The following CFAP95 variants were observed in gnomAD, a reference collection of about 807,000 sequenced individuals.
CFAP95 encodes the protein cilia and flagella associated protein 95, also known as cilia- and flagella-associated protein 95.
chr9:69,902,546 T>G, the CFAP95 span, among the ~76,000 whole-genome samples: 1 of 152,320 alleles, frequency 6.6e-6, no homozygotes, highest in South Asian at 2.1e-4. Context: ...AATTTTCCAG[T>G]TATTACCCGC....
chr9:69,891,411 C>T, the CFAP95 span, among the ~76,000 whole-genome samples: 1 of 152,120 alleles, frequency 6.6e-6, no homozygotes, highest in Non-Finnish European at 1.5e-5. Flanking sequence ...CCTTCATGGG[C>T]CCCTTCCTCC....
chr9:69,858,154 C>A, the CFAP95 span: 14 of 566,480 alleles, frequency 2.5e-5, no homozygotes, highest in Middle Eastern at 2.9e-4. Context: ...CATTAATAAC[C>A]GTAATAATAA....
At chr9:69,899,395 A>G in the CFAP95 span, among the ~76,000 whole-genome samples, 41 of 152,354 alleles carry the variant, frequency 2.7e-4, no homozygotes, top group African/African-American at 8.9e-4. Flanking sequence ...GTGGGAAAAC[A>G]TAAGTTCTTC....
At chr9:69,838,279 G>A in the CFAP95 span, among the ~76,000 whole-genome samples, 2 of 152,080 alleles carry the variant, frequency 1.3e-5, no homozygotes, top group African/African-American at 4.8e-5. Context: ...AAAGACATTG[G>A]TAGCTTGATG....
At chr9:69,878,518 G>A in the CFAP95 span, among the ~76,000 whole-genome samples, 8 of 152,294 alleles carry the variant, frequency 5.3e-5, no homozygotes, top group South Asian at 1.7e-3. Context: ...GTAAATCCAA[G>A]TTTGTGGTAT....
chr9:69,826,404 G>A, the CFAP95 span, among the ~76,000 whole-genome samples: 1 of 152,090 alleles, frequency 6.6e-6, no homozygotes, highest in Non-Finnish European at 1.5e-5. Flanking sequence ...CCTGTCACTG[G>A]AGACCAAGCT....
chr9:69,836,257 A>C, the CFAP95 span, among the ~76,000 whole-genome samples: 1 of 152,080 alleles, frequency 6.6e-6, no homozygotes, highest in Non-Finnish European at 1.5e-5. Flanking sequence ...TTTGGGAACC[A>C]CTGAGAGTCT....
chr9:69,883,350 C>G, the CFAP95 span, among the ~76,000 whole-genome samples: 5 of 151,810 alleles, frequency 3.3e-5, no homozygotes, highest in Non-Finnish European at 1.5e-5. Context: ...TGGAATGACT[C>G]TGGTTGGAGG....
At chr9:69,836,296 C>A in the CFAP95 span, among the ~76,000 whole-genome samples, 3 of 152,048 alleles carry the variant, frequency 2.0e-5, no homozygotes, top group Admixed American at 2.0e-4. Flanking sequence ...AGGGCTTTCT[C>A]AACCTTGGTA....
the CFAP95 span, among the ~76,000 whole-genome samples, chr9:69,852,548 C>T: frequency 1.3e-5 from 2 of 152,064 alleles, no homozygotes; most frequent in East Asian, 3.9e-4. Flanking sequence ...CCTTAATTTC[C>T]ACCCTGAGAG....
chr9:69,886,614 A>G, the CFAP95 span, among the ~76,000 whole-genome samples: 1 of 152,150 alleles, frequency 6.6e-6, no homozygotes, highest in East Asian at 1.9e-4. Context: ...CTTGGAACAT[A>G]TTCTCTAAGG....
At chr9:69,861,996 C>T in the CFAP95 span, among the ~76,000 whole-genome samples, 2 of 152,250 alleles carry the variant, frequency 1.3e-5, no homozygotes, top group Admixed American at 1.3e-4. Flanking sequence ...TTTATGCAAA[C>T]ACTATTAATA....
chr9:69,835,087 T>A, the CFAP95 span, among the ~76,000 whole-genome samples: 1 of 152,212 alleles, frequency 6.6e-6, no homozygotes, highest in African/African-American at 2.4e-5. Flanking sequence ...CAAGGGTAAT[T>A]TTCTTTTAAA....
the CFAP95 span, among the ~76,000 whole-genome samples, chr9:69,866,161 A>C: frequency 6.6e-6 from 1 of 152,340 alleles, no homozygotes; most frequent in African/African-American, 2.4e-5. Context: ...ACATGGAGAG[A>C]ATAATGGCTA....
chr9:69,900,894 T>A, the CFAP95 span, among the ~76,000 whole-genome samples: 1 of 152,080 alleles, frequency 6.6e-6, no homozygotes, highest in Non-Finnish European at 1.5e-5. Flanking sequence ...GCTTTAAGTA[T>A]AAGGGTACAT....
the CFAP95 span, among the ~76,000 whole-genome samples, chr9:69,841,033 C>T: frequency 6.0e-5 from 9 of 151,126 alleles, no homozygotes; most frequent in Non-Finnish European, 1.3e-4. Flanking sequence ...ATGGTAGGAT[C>T]ATTAGGGCCA....
the CFAP95 span, among the ~76,000 whole-genome samples, chr9:69,851,886 AAAG>A: frequency 6.6e-6 from 1 of 151,784 alleles, no homozygotes; most frequent in African/African-American, 2.4e-5. Context: ...GAAAAAAAAA[AAAG>A]AAGAGGAAGA....
chr9:69,836,313 A>C, the CFAP95 span, among the ~76,000 whole-genome samples: 2 of 151,666 alleles, frequency 1.3e-5, no homozygotes, highest in African/African-American at 2.4e-5. Context: ...GGTACTATGG[A>C]CATTTTGGGC....
the CFAP95 span, among the ~76,000 whole-genome samples, chr9:69,857,422 T>C: frequency 6.6e-6 from 1 of 152,272 alleles, no homozygotes; most frequent in Non-Finnish European, 1.5e-5. Flanking sequence ...AAAAATTCCA[T>C]TGACTTGTTG....
Sources: allele counts gnomAD v4.1 joint callset (sites outside exome capture counted in the v4.1 genomes callset), GRCh38; gene constraint gnomAD v4.1.1; transcripts MANE v1.5; gene names NCBI Gene and HGNC (gene_info 2026-07-23, HGNC 2026-07-21).